OPRM1: variants seen among roughly 807,000 people sequenced by gnomAD.
OPRM1 encodes opioid receptor mu 1.
Under a neutral mutation model 31.8 loss-of-function variants are expected in OPRM1, and 27 were observed. The observed-to-expected ratio is 0.85, with a 90% CI of 0.63 to 1.17. OPRM1 has a LOEUF of 1.17. OPRM1 is among the 50% of genes most tolerant of loss of function. The pLI is 0.00. For missense variants in OPRM1, 536 were observed against 511.1 expected, an observed-to-expected ratio of 1.05 and a Z score of -0.47; for synonymous variants, 196 against 189.9, an observed-to-expected ratio of 1.03 and a Z score of -0.26.
intron 1 of OPRM1, among the ~76,000 whole-genome samples, chr6:154,054,175 C>A (rs926015707): frequency 2.0e-5 from 3 of 151,940 alleles, no homozygotes; most frequent in African/African-American, 7.3e-5. Flanking sequence ...CGAGACCATC[C>A]TGGCTAACAC....
intron 3 of OPRM1, among the ~76,000 whole-genome samples, chr6:154,109,790 CTCTGTGTGTGTGTGTGTG>C (rs1448693134): frequency 2.6e-5 from 2 of 76,982 alleles, no homozygotes; most frequent in African/African-American, 8.5e-5. Context: ...CTCTCTCTCT[CTCTGTGTGTGTGTGTGTG>C]TGTGTGTGTG....
upstream of OPRM1, among the ~76,000 whole-genome samples, chr6:154,035,954 G>T (rs547496240): frequency 6.6e-6 from 1 of 152,142 alleles, no homozygotes; most frequent in South Asian, 2.1e-4. Context: ...TGAAATAAAA[G>T]ATATATTTGG....
At chr6:154,206,761 G>C (rs1483984713) in intron 3 of OPRM1, among the ~76,000 whole-genome samples, 1 of 152,188 alleles carries the variant, frequency 6.6e-6, no homozygotes, top group Non-Finnish European at 1.5e-5. Flanking sequence ...ATTGGGGTGG[G>C]AGTCAGGGGC....
chr6:154,122,296 A>G lies in OPRM1; in HGVS notation c.*3575A>G, dbSNP rs1009913303. The stretch of plus-strand genomic sequence containing the variant: ...AAGGAATCCCTACTGCCCTTGTAGA[A>G]ACATCAAGATTCTTGCCTGGATTCT... On this transcript the variant is annotated 3_prime_UTR_variant, in exon 4 of 4. Coordinates refer to ENST00000330432, the MANE Select transcript of OPRM1 (RefSeq NM_000914.5). Among the ~76,000 whole-genome samples the G allele has an allele frequency of 1.3e-5, 2 of 152,230 alleles. No homozygotes were observed. Among genetic ancestry groups the G allele is most frequent in the African/African-American group, 4.8e-5 (2 of 41,470 alleles).
intron 3 of OPRM1, among the ~76,000 whole-genome samples, chr6:154,141,263 C>T (rs1028253549): frequency 1.1e-4 from 16 of 152,310 alleles, no homozygotes; most frequent in African/African-American, 3.6e-4. Flanking sequence ...ACCCGCTTAT[C>T]CCAGTCTTTA....
chr6:154,233,931 G>A (rs1356151124), intron 3 of OPRM1, among the ~76,000 whole-genome samples: 1 of 152,158 alleles, frequency 6.6e-6, no homozygotes, highest in Non-Finnish European at 1.5e-5. Flanking sequence ...CAGCTAGGCC[G>A]GACGCCGTGG....
At chr6:154,099,642 CAT>C (rs199809976) in intron 3 of OPRM1, among the ~76,000 whole-genome samples, 1,156 of 103,124 alleles carry the variant, frequency 0.011, 19 homozygotes, top group African/African-American at 0.043. Flanking sequence ...TATATACACA[CAT>C]ATATATACAC....
At chr6:154,180,904 C>T (rs183916980) in intron 3 of OPRM1, among the ~76,000 whole-genome samples, 213 of 152,216 alleles carry the variant, frequency 1.4e-3, no homozygotes, top group South Asian at 5.8e-3. Context: ...TAGAAAACAG[C>T]GTTTCCTGTT....
chr6:154,145,870 A>T (rs927183288), intron 3 of OPRM1, among the ~76,000 whole-genome samples: 5 of 152,266 alleles, frequency 3.3e-5, no homozygotes, highest in African/African-American at 1.2e-4. Context: ...TGTGAAAGCA[A>T]TTCAATGAAG....
intron 1 of OPRM1, among the ~76,000 whole-genome samples, chr6:154,015,253 C>A (rs1360969882): frequency 2.0e-5 from 3 of 151,990 alleles, no homozygotes; most frequent in Non-Finnish European, 4.4e-5. Flanking sequence ...TTAAAATCCA[C>A]TAAAAGTCTC....
chr6:154,086,580 C>T (rs1189807259), intron 1 of OPRM1: 14 of 984,074 alleles, frequency 1.4e-5, no homozygotes, highest in Non-Finnish European at 1.6e-5. Flanking sequence ...ATTTTTTTTT[C>T]CACAAACACC....
chr6:154,110,212 G>A (rs1796189917), intron 3 of OPRM1: 1 of 533,150 alleles, frequency 1.9e-6, no homozygotes. Flanking sequence ...TTTCACTTTT[G>A]TTTTACTTTG....
chr6:154,202,107 A>T (rs2128593840), intron 3 of OPRM1, among the ~76,000 whole-genome samples: 1 of 152,332 alleles, frequency 6.6e-6, no homozygotes, highest in Non-Finnish European at 1.5e-5. Flanking sequence ...TATTTACCTA[A>T]TGTGTACCCA....
At chr6:154,153,408 G>A (rs1477679557) in intron 3 of OPRM1, among the ~76,000 whole-genome samples, 1 of 152,206 alleles carries the variant, frequency 6.6e-6, no homozygotes, top group African/African-American at 2.4e-5. Flanking sequence ...CCCCGGCCAG[G>A]ACCGGTGGCT....
chr6:154,134,767 C>T (rs968231167), downstream of OPRM1, among the ~76,000 whole-genome samples: 4 of 152,056 alleles, frequency 2.6e-5, no homozygotes, highest in Non-Finnish European at 5.9e-5. Flanking sequence ...GCTAGCTGAG[C>T]AGCGAATTTA....
chr6:154,043,779 C>T (rs1780549554), intron 1 of OPRM1, among the ~76,000 whole-genome samples: 4 of 151,962 alleles, frequency 2.6e-5, no homozygotes, highest in Admixed American at 2.6e-4. Context: ...TTAAAAAATA[C>T]TAACTTAATT....
intron 3 of OPRM1, among the ~76,000 whole-genome samples, chr6:154,212,499 C>T (rs184713454): frequency 2.0e-5 from 3 of 152,310 alleles, no homozygotes; most frequent in Admixed American, 2.0e-4. Context: ...CAAGCACTGG[C>T]CTGTCACCTA....
chr6:154,186,681 C>T (rs971987400), intron 3 of OPRM1, among the ~76,000 whole-genome samples: 8 of 152,040 alleles, frequency 5.3e-5, no homozygotes, highest in Non-Finnish European at 7.4e-5. Context: ...CTCAGCCTCC[C>T]GAGTAGCTGG....
At chr6:154,191,588 C>T (rs556397897) in intron 3 of OPRM1, among the ~76,000 whole-genome samples, 1 of 151,910 alleles carries the variant, frequency 6.6e-6, no homozygotes, top group South Asian at 2.1e-4. Flanking sequence ...GCAGGAGAAT[C>T]GCTTGAACCC....
Sources: gnomAD v4.1 joint callset for allele counts (sites outside exome capture counted in the v4.1 genomes callset) on GRCh38, gnomAD v4.1.1 for gene constraint, MANE v1.5 for transcripts, NCBI Gene and HGNC (gene_info 2026-07-23, HGNC 2026-07-21) for gene names.